Variants in TRHDE observed in about 807,000 individuals in gnomAD.
TRHDE encodes thyrotropin-releasing hormone-degrading ectoenzyme.
A neutral mutation model predicts 125.7 loss-of-function variants in TRHDE; 72 were observed. The observed-to-expected ratio is 0.57, with a 90% CI of 0.47 to 0.70. The LOEUF is 0.70. TRHDE is among the 30% of genes least tolerant of loss of function. TRHDE has a pLI of 0.00. For synonymous variants in TRHDE, 509 were observed against 509.1 expected, an observed-to-expected ratio of 1.00 and a Z score of 0.00; for missense variants, 1,110 against 1,327.1, an observed-to-expected ratio of 0.84 and a Z score of 2.54.
At chr12:72,606,980 A>G (rs964928660) in intron 12 of TRHDE, among the ~76,000 whole-genome samples, 1 of 152,160 alleles carries the variant, frequency 6.6e-6, no homozygotes, top group Non-Finnish European at 1.5e-5. Context: ...AAGCGTTCAA[A>G]TTTCCAATGG....
intron 2 of TRHDE, among the ~76,000 whole-genome samples, chr12:72,366,324 G>T (rs1192228956): frequency 6.6e-6 from 1 of 152,094 alleles, no homozygotes. Flanking sequence ...GTCCCTGTAA[G>T]TAACTTAAAC....
intron 12 of TRHDE, among the ~76,000 whole-genome samples, chr12:72,598,334 GT>G (rs1302822265): frequency 6.6e-6 from 1 of 152,144 alleles, no homozygotes; most frequent in Non-Finnish European, 1.5e-5. Context: ...GGAGTAGATA[GT>G]TTTGCCACAT....
intron 2 of TRHDE, among the ~76,000 whole-genome samples, chr12:72,372,162 A>G (rs1029516533): frequency 4.6e-5 from 7 of 151,748 alleles, no homozygotes; most frequent in African/African-American, 1.7e-4. Flanking sequence ...GCATTTTTTC[A>G]TGTGTCTTTT....
chr12:72,486,517 C>T (rs1447814554), intron 5 of TRHDE, among the ~76,000 whole-genome samples: 1 of 152,124 alleles, frequency 6.6e-6, no homozygotes, highest in Non-Finnish European at 1.5e-5. Context: ...ATTCCTGCAG[C>T]CAAGACCACT....
chr12:72,470,863 CTTTTTTTTTTTTTTTTTTT>C (rs768937293), intron 4 of TRHDE, among the ~76,000 whole-genome samples: 1 of 67,938 alleles, frequency 1.5e-5, no homozygotes, highest in East Asian at 5.2e-4. Flanking sequence ...TAAATGTCAG[CTTTTTTTTTTTTTTTTTTT>C]TTTTTTTTTT....
At chr12:72,237,209 T>A (rs1053407950) in intron 2 of TRHDE, among the ~76,000 whole-genome samples, 11 of 152,216 alleles carry the variant, frequency 7.2e-5, no homozygotes, top group Admixed American at 6.5e-5. Context: ...TGTCATATTC[T>A]AACATTCACC....
Position 72,523,884 on chromosome 12 carries a change from G to C in TRHDE, c.1723-18407G>C, listed in dbSNP as rs150965139. On this transcript the variant is annotated intron_variant, in intron 6 of 18. Transcript: ENST00000261180. ...TGTTTTTGAGTTTTGAAATTCTCCA[G>C]GGACAGAATACATCTGTGCTTTGCC... 2.0e-3 allele frequency among the ~76,000 whole-genome samples: 301 copies of C among 152,238 alleles called. 4 individuals carry two copies. The highest frequency in any genetic ancestry group is 6.5e-3 in the African/African-American group (271 of 41,554).
At chr12:72,128,851 G>A (rs1027106650) in intron 2 of TRHDE, among the ~76,000 whole-genome samples, 23 of 152,072 alleles carry the variant, frequency 1.5e-4, no homozygotes, top group Non-Finnish European at 2.9e-4. Context: ...AGGGGTGGGG[G>A]AAATAGAAGG....
intron 3 of TRHDE, among the ~76,000 whole-genome samples, chr12:72,451,578 T>TTTG (rs145119847): frequency 0.11 from 17,027 of 151,908 alleles, 1,298 homozygotes; most frequent in African/African-American, 0.2. Flanking sequence ...GGCTTTGTTT[T>TTTG]TTGTTGTTGT....
rs1239932600 is a variant in TRHDE at position 72,273,307 on chromosome 12, A to G, written c.664A>G (p.Thr222Ala). 1 of 1,613,408 alleles carries G rather than the reference A, an allele frequency of 6.2e-7. No individual in the cohort carries two copies. The highest frequency in any genetic ancestry group is 1.1e-5 in the South Asian group (1 of 91,026). Residue 222 changes from threonine to alanine, a missense_variant, in exon 1 of 19, where the codon ACC (threonine) becomes GCC (alanine). By Grantham distance (58) the Thr-to-Ala change is moderately conservative. This residue lies in a region of TRHDE where 72 missense variants were observed against 122.2 expected (regional missense o/e 0.59). Coordinates refer to ENST00000261180, the MANE Select transcript of TRHDE (RefSeq NM_013381.3). The surrounding 1 kb of genome is among the most constrained non-coding windows in gnomAD (Gnocchi z 5.3). ...CGTGGAGATCGCGTGCCGGAACGCC[A>G]CCCGCTACGTAGTGCTGCACGCTTC... ...VNVEIACRNATRYVVLHASRV... is the reference protein window; with the variant it reads ...VNVEIACRNAARYVVLHASRV...
chr12:72,582,611 G>A, intron 12 of TRHDE: 1 of 985,434 alleles, frequency 1.0e-6, no homozygotes, highest in Non-Finnish European at 1.2e-6. Flanking sequence ...CTGGCTAGAT[G>A]AGTAGCAGTT....
At chr12:72,179,973 A>G (rs1750546332) in intron 2 of TRHDE, among the ~76,000 whole-genome samples, 1 of 152,016 alleles carries the variant, frequency 6.6e-6, no homozygotes, top group Admixed American at 6.6e-5. Context: ...CTATCCATGT[A>G]GCACATGGTA....
intron 6 of TRHDE, among the ~76,000 whole-genome samples, chr12:72,519,663 C>T (rs1376726663): frequency 2.0e-5 from 3 of 152,234 alleles, no homozygotes; most frequent in Non-Finnish European, 4.4e-5. Flanking sequence ...CATTCTCCGT[C>T]CAGCTTTATT....
chr12:72,306,611 T>G (rs1268384523), intron 2 of TRHDE: 4 of 152,160 alleles, frequency 2.6e-5, no homozygotes, highest in African/African-American at 9.7e-5. Context: ...CATTCAGTCA[T>G]GTAATGATGT....
chr12:72,120,859 T>C (rs1255167057), intron 2 of TRHDE, among the ~76,000 whole-genome samples: 2 of 151,836 alleles, frequency 1.3e-5, no homozygotes, highest in Non-Finnish European at 2.9e-5. Flanking sequence ...TTTTGTATTT[T>C]AGTAGAGACG....
intron 2 of TRHDE, among the ~76,000 whole-genome samples, chr12:72,196,009 G>A (rs973874046): frequency 6.6e-6 from 1 of 151,926 alleles, no homozygotes; most frequent in African/African-American, 2.4e-5. Context: ...TATTTTTGTC[G>A]ACTTTGTCAA....
At position 72,667,000 on chromosome 12, in the gene TRHDE, T is replaced by C. The variant is rs923625873; in HGVS notation, c.*3805T>C. The C allele has an allele frequency of 2.6e-5, 4 of 152,008 alleles. No individual in the cohort carries two copies. The highest frequency in any genetic ancestry group is 1.9e-4 in the East Asian group (1 of 5,166). The allele number at this position is 152,008 out of a possible 1,614,324, so 9.4% of individuals were successfully genotyped here. On this transcript the variant is annotated 3_prime_UTR_variant, in exon 19 of 19. Coordinates refer to ENST00000261180, the MANE Select transcript of TRHDE (RefSeq NM_013381.3). ...TGTCTATAGTAACAGATGGTCAGAA[T>C]GCAGATAAATTGTGTGCATCTCAAT...
chr12:72,630,757 AC>A (rs1873460160), intron 15 of TRHDE, among the ~76,000 whole-genome samples: 1 of 151,594 alleles, frequency 6.6e-6, no homozygotes, highest in Admixed American at 6.6e-5. Context: ...CTTGTTGCTC[AC>A]AAAATTAAGA....
intron 2 of TRHDE, among the ~76,000 whole-genome samples, chr12:72,361,503 T>A (rs531329665): frequency 2.6e-5 from 4 of 151,790 alleles, no homozygotes; most frequent in Non-Finnish European, 4.4e-5. Flanking sequence ...ATAAGAGTAA[T>A]GTTAGATTAT....
Sources: allele counts gnomAD v4.1 joint callset (sites outside exome capture counted in the v4.1 genomes callset), GRCh38; gene constraint gnomAD v4.1.1; regional missense constraint gnomAD v4.1.1; non-coding constraint Gnocchi (gnomAD v3.1); transcripts MANE v1.5; gene names NCBI Gene and HGNC (gene_info 2026-07-23, HGNC 2026-07-21).